Variants in LHX3 observed in about 807,000 individuals in gnomAD.
The protein encoded by LHX3 is LIM/homeobox protein Lhx3.
Under a neutral mutation model 32.4 loss-of-function variants are expected in LHX3, and 21 were observed. The observed-to-expected ratio is 0.65, with a 90% CI of 0.46 to 0.93. The LOEUF is 0.93. LHX3 is among the 40% of genes least tolerant of loss of function. The pLI, the probability that LHX3 is intolerant of heterozygous loss-of-function variation, is 0.00. For missense variants in LHX3, 626 were observed against 560.0 expected (o/e 1.12, Z -1.19); for synonymous variants, 258 against 246.8 (o/e 1.05, Z -0.43).
Position 136,200,124 on chromosome 9 carries a change from A to G in LHX3, c.252-244T>C, listed in dbSNP as rs760141668. 188 of 635,346 alleles carry G rather than the reference A, an allele frequency of 3.0e-4. No homozygotes were observed. In the East Asian group the frequency reaches 5.2e-3, roughly 18 times the overall value. 39.4% of individuals were successfully genotyped at this position (635,346 alleles called of 1,614,324 possible). A position where few individuals can be genotyped will look rare whatever the true frequency, so the allele number is the denominator to read the frequency against. ...CCATTGCCTGCAGGACCCATGCTGG[A>G]TCTGGGAAGGTGAATCCGGAGGGAG... On this transcript the variant is annotated intron_variant, in intron 2 of 5. Transcript: ENST00000371748.
chr9:136,199,466 C>T (rs538942509), intron 3 of LHX3, among the ~76,000 whole-genome samples: 1 of 152,372 alleles, frequency 6.6e-6, no homozygotes, highest in African/African-American at 2.4e-5. Context: ...CGAAAAGCCG[C>T]ACACTTCGGA....
chr9:136,202,351 C>G (rs904957945), intron 1 of LHX3, among the ~76,000 whole-genome samples: 1 of 144,160 alleles, frequency 6.9e-6, no homozygotes, highest in African/African-American at 2.9e-5. Context: ...AGGAGAACTG[C>G]CCAGGTTCCC....
intron 1 of LHX3, chr9:136,203,178 C>G: frequency 8.1e-7 from 1 of 1,234,228 alleles, no homozygotes; most frequent in Non-Finnish European, 1.0e-6. Context: ...CGCCCTGGGG[C>G]CCGGAGCCTC....
At chr9:136,202,853 T>G in intron 1 of LHX3, 1 of 1,416,056 alleles carries the variant, frequency 7.1e-7, no homozygotes, top group South Asian at 1.2e-5. Context: ...CCCGCCCAGA[T>G]CCTCTAGCTC....
At position 136,202,936 on chromosome 9, in the gene LHX3, G is replaced by C. The variant is rs1346034570; in HGVS notation, c.79+1998C>G. On this transcript the variant is annotated intron_variant, in intron 1 of 5. Transcript: ENST00000371748. ...TCTCCCCGGTGCAGCCACTCGGCCC[G>C]GGCACCCACCTCGGCGCAGGTCCGC... The C allele has an allele frequency of 2.0e-6, 3 of 1,532,172 alleles. No individual in the cohort carries two copies. The South Asian group carries it at 3.6e-5, about 18-fold the overall frequency. The allele number at this position is 1,532,172 out of a possible 1,614,324, so 94.9% of individuals were successfully genotyped here. A position where few individuals can be genotyped will look rare whatever the true frequency, so the allele number is the denominator to read the frequency against.
Position 136,205,054 on chromosome 9 carries a change from G to C in LHX3, c.-42C>G, listed in dbSNP as rs990839331. 3 of 1,514,888 alleles carry C rather than the reference G, an allele frequency of 2.0e-6. No homozygotes were observed. The African/African-American group carries it at 4.1e-5, about 21-fold the overall frequency. The allele number at this position is 1,514,888 out of a possible 1,614,324, so 93.8% of individuals were successfully genotyped here. A position where few individuals can be genotyped will look rare whatever the true frequency, so the allele number is the denominator to read the frequency against. On this transcript the variant is annotated 5_prime_UTR_variant, in exon 1 of 6. Coordinates refer to ENST00000371748, the MANE Select transcript of LHX3 (RefSeq NM_178138.6). ...AGTGGCGCGAGACGCGCTCCTCCTA[G>C]GTCAGCGTCCCCTGGAGGGTTCGGG...
At chr9:136,203,888 G>A (rs888657386) in intron 1 of LHX3, among the ~76,000 whole-genome samples, 2 of 152,222 alleles carry the variant, frequency 1.3e-5, no homozygotes, top group Admixed American at 1.3e-4. Flanking sequence ...GAGCTCTCCA[G>A]AACCCACCTG....
intron 2 of LHX3, chr9:136,200,373 G>A (rs1375626669): frequency 4.1e-5 from 25 of 610,894 alleles, no homozygotes; most frequent in Non-Finnish European, 6.4e-5. Flanking sequence ...TGATGTCCCA[G>A]CCAGGCCCAG....
chr9:136,200,783 T>TCGTA, intron 1 of LHX3, 30 bp from the exon 2 acceptor site: 1 of 1,612,326 alleles, frequency 6.2e-7, no homozygotes, highest in Non-Finnish European at 8.5e-7. Flanking sequence ...CTGGGTCACC[T>TCGTA]CGTAGACCAG....
At chr9:136,197,783 A>C in intron 5 of LHX3, 40 bp from the exon 6 acceptor site, 1 of 1,593,262 alleles carries the variant, frequency 6.3e-7, no homozygotes. Context: ...CCTGCCCTCC[A>C]CCTGCGGCCC....
rs1216710365 is a variant in LHX3, at chr9:136,199,070, G to A, written c.455-11C>T. 1.3e-6 allele frequency: 2 copies of A among 1,494,366 alleles called. No homozygotes were observed. The highest frequency in any genetic ancestry group is 1.8e-6 in the Non-Finnish European group (2 of 1,124,948). 92.6% of individuals were successfully genotyped at this position (1,494,366 alleles called of 1,614,324 possible). A position where few individuals can be genotyped will look rare whatever the true frequency, so the allele number is the denominator to read the frequency against. On this transcript the variant is annotated splice_polypyrimidine_tract_variant and intron_variant, in intron 3 of 5. Transcript: ENST00000371748. Reference sequence around the variant, plus strand: ...CCGTGGCCTCGGCCTCTGCGCGGCGGGCGAGCGGTGAGGCGCGGCAGCCCC... The same window carrying A: ...CCGTGGCCTCGGCCTCTGCGCGGCGAGCGAGCGGTGAGGCGCGGCAGCCCC...
At chr9:136,199,437 C>G (rs967515939) in intron 3 of LHX3, among the ~76,000 whole-genome samples, 6 of 152,244 alleles carry the variant, frequency 3.9e-5, no homozygotes, top group Admixed American at 2.6e-4. Flanking sequence ...GAATTTAGGG[C>G]GATAATTCCG....
chr9:136,204,394 C>T (rs965931954), intron 1 of LHX3, among the ~76,000 whole-genome samples: 1 of 152,204 alleles, frequency 6.6e-6, no homozygotes, highest in Non-Finnish European at 1.5e-5. Flanking sequence ...TCAGCTGCTG[C>T]CGAAGCGATC....
chr9:136,196,951 A>C lies in LHX3; in HGVS notation c.*374T>G, dbSNP rs969535680. The C allele has an allele frequency of 6.7e-6, 2 of 299,026 alleles. No individual in the cohort carries two copies. The highest frequency in any genetic ancestry group is 1.3e-5 in the Non-Finnish European group (2 of 158,570). 18.5% of individuals were successfully genotyped at this position (299,026 alleles called of 1,614,324 possible). On this transcript the variant is annotated 3_prime_UTR_variant, in exon 6 of 6. Transcript: ENST00000371748. The stretch of plus-strand genomic sequence containing the variant: ...GAAAGCACAATTATGATGATTTCTC[A>C]GTTTTAGAGATGAAAGCGTTTTTCC...
At chr9:136,202,037 A>G (rs1222645485) in intron 1 of LHX3, among the ~76,000 whole-genome samples, 1 of 151,806 alleles carries the variant, frequency 6.6e-6, no homozygotes, top group African/African-American at 2.4e-5. Flanking sequence ...TGGCGACTCC[A>G]GCCCTGGCGG....
chr9:136,198,558 C>T, intron 5 of LHX3, 94 bp downstream of exon 5: 1 of 1,382,728 alleles, frequency 7.2e-7, no homozygotes. Context: ...CCACTAACTC[C>T]ATGGGAAATT....
At chr9:136,200,278 A>G (rs1008848938) in intron 2 of LHX3, 1 of 546,034 alleles carries the variant, frequency 1.8e-6, no homozygotes, top group Non-Finnish European at 3.3e-6. Context: ...GTCCAGTAGA[A>G]TCCTACAAAT....
At chr9:136,200,264 C>T (rs933273818) in intron 2 of LHX3, 12 of 544,578 alleles carry the variant, frequency 2.2e-5, no homozygotes, top group African/African-American at 1.7e-4. Context: ...TTCGGAGGAA[C>T]TAAGTCCAGT....
At position 136,199,028 on chromosome 9, in the gene LHX3, C is replaced by T. The variant is rs533708386; in HGVS notation, c.486G>A (p.Thr162=). The T allele has an allele frequency of 3.2e-6, 5 of 1,580,280 alleles. No homozygotes were observed. Among genetic ancestry groups the T allele is most frequent in the Non-Finnish European group, 4.3e-6 (5 of 1,168,930 alleles). ...TCTCCAGCTGCTTGGCGGTGATGGTCGTGCGCGGCCGCTTGGCCGTGGCCT... is the reference window on the plus strand; with the variant it reads ...TCTCCAGCTGCTTGGCGGTGATGGTTGTGCGCGGCCGCTTGGCCGTGGCCT... The part of the protein sequence containing the change: ...EAEATAKRPR[T]TITAKQLETL... Residue 162 remains threonine (T), a synonymous_variant, in exon 4 of 6, where the codon ACG becomes ACA. Coordinates refer to ENST00000371748, the MANE Select transcript of LHX3 (RefSeq NM_178138.6).
Sources: allele counts gnomAD v4.1 joint callset (sites outside exome capture counted in the v4.1 genomes callset), GRCh38; gene constraint gnomAD v4.1.1; transcripts MANE v1.5; gene names NCBI Gene and HGNC (gene_info 2026-07-23, HGNC 2026-07-21).